SLC25A30: variants seen among roughly 807,000 people sequenced by gnomAD.
SLC25A30 encodes kidney mitochondrial carrier protein 1.
SLC25A30 carries 29 observed loss-of-function variants against 42.7 expected under a neutral mutation model. The observed-to-expected ratio is 0.68, with a 90% confidence interval of 0.51 to 0.93. The LOEUF (loss-of-function observed/expected upper bound fraction) is 0.93. Ranked by LOEUF, SLC25A30 falls within the 40% of genes least tolerant of loss-of-function variation. The pLI is 0.00. For missense variants in SLC25A30, 300 were observed against 359.7 expected (o/e 0.83, Z 1.34); for synonymous variants, 124 against 131.0 (o/e 0.95, Z 0.37).
the SLC25A30 span, among the ~76,000 whole-genome samples, chr13:45,423,994 T>G: frequency 3.0e-5 from 2 of 67,060 alleles, no homozygotes; most frequent in Admixed American, 2.5e-4. Context: ...TTTATATAAA[T>G]ATATATAAAA....
chr13:45,407,089 C>T (rs1350178922), intron 3 of SLC25A30, among the ~76,000 whole-genome samples: 3 of 152,104 alleles, frequency 2.0e-5, no homozygotes, highest in Non-Finnish European at 4.4e-5. Flanking sequence ...TGGCAAAACC[C>T]CATCTCTATA....
the SLC25A30 span, among the ~76,000 whole-genome samples, chr13:45,424,264 T>TAA: frequency 0.012 from 1 of 86 alleles, no homozygotes; most frequent in Non-Finnish European, 0.026. Context: ...TATGTAAATA[T>TAA]ATATAAATAT....
chr13:45,393,661 A>C lies in SLC25A30; in HGVS notation c.*2313T>G. 1.2e-5 allele frequency: 12 copies of C among 985,458 alleles called. No individual in the cohort carries two copies. Among genetic ancestry groups the C allele is most frequent in the Non-Finnish European group, 1.4e-5 (12 of 829,932 alleles). 61.0% of individuals were successfully genotyped at this position (985,458 alleles called of 1,614,324 possible). A position where few individuals can be genotyped will look rare whatever the true frequency, so the allele number is the denominator to read the frequency against. On this transcript the variant is annotated 3_prime_UTR_variant, in exon 10 of 10. Transcript: ENST00000519676. ...CAGAACCCTGACAACGAGGGGACCA[A>C]GTCTCCCAATTCCTTAAGTTGTTTC...
At chr13:45,397,525 T>C (rs1881469457) in intron 8 of SLC25A30, 187 bp from the exon 9 acceptor site, 2 of 431,862 alleles carry the variant, frequency 4.6e-6, no homozygotes, top group Non-Finnish European at 8.3e-6. Flanking sequence ...ACCCTGTCTC[T>C]ACTAAAAATA....
intron 8 of SLC25A30, chr13:45,397,946 C>T: frequency 3.0e-6 from 3 of 985,420 alleles, no homozygotes; most frequent in Non-Finnish European, 3.6e-6. Flanking sequence ...CATGTGGGCT[C>T]CTGAACAGGT....
intron 1 of SLC25A30, among the ~76,000 whole-genome samples, chr13:45,415,320 C>T (rs1883423106): frequency 6.6e-6 from 1 of 152,014 alleles, no homozygotes; most frequent in Admixed American, 6.6e-5. Flanking sequence ...GACCCTTCCT[C>T]TAGATAGTAC....
Position 45,411,490 on chromosome 13 carries a change from AC to A in SLC25A30, c.-55-11del. The A allele has an allele frequency of 6.7e-7, 1 of 1,493,050 alleles. No homozygotes were observed. Among genetic ancestry groups the A allele is most frequent in the African/African-American group, 1.4e-5 (1 of 72,632 alleles). 92.5% of individuals were successfully genotyped at this position (1,493,050 alleles called of 1,614,324 possible). ...TCCAGTGCTGTTTTTCCTGGACACA[AC>A]AATAAGATATTATCAAGCTGTAACT... On this transcript the variant is annotated splice_polypyrimidine_tract_variant and intron_variant, in intron 1 of 9. Coordinates refer to ENST00000519676, the MANE Select transcript of SLC25A30 (RefSeq NM_001010875.4).
chr13:45,424,140 T>G, the SLC25A30 span, among the ~76,000 whole-genome samples: 15 of 70,944 alleles, frequency 2.1e-4, no homozygotes. Context: ...TATAAATATA[T>G]AAATATAAGT....
chr13:45,396,026 G>C lies in SLC25A30; in HGVS notation c.835-11C>G. On this transcript the variant is annotated splice_polypyrimidine_tract_variant and intron_variant, in intron 9 of 9. Coordinates refer to ENST00000519676, the MANE Select transcript of SLC25A30 (RefSeq NM_001010875.4). ...GTATGTCACAAAGAACTGTGGTTAT[G>C]GGTTAAGGATGACACAGAAAATGCC... 6.2e-7 allele frequency: 1 copy of C among 1,614,134 alleles called. No homozygotes were observed. Among genetic ancestry groups the C allele is most frequent in the South Asian group, 1.1e-5 (1 of 91,076 alleles).
intron 1 of SLC25A30, among the ~76,000 whole-genome samples, chr13:45,415,876 T>C (rs1390684061): frequency 7.1e-6 from 1 of 140,306 alleles, no homozygotes; most frequent in Non-Finnish European, 1.5e-5. Context: ...CTCAGCTCAC[T>C]GCAACCTCTG....
Position 45,394,652 on chromosome 13 carries a change from C to T in SLC25A30, c.*1322G>A, listed in dbSNP as rs1881182177. 1.0e-6 allele frequency: 1 copy of T among 985,010 alleles called. No individual in the cohort carries two copies. 61.0% of individuals were successfully genotyped at this position (985,010 alleles called of 1,614,324 possible). On this transcript the variant is annotated 3_prime_UTR_variant, in exon 10 of 10. Coordinates refer to ENST00000519676, the MANE Select transcript of SLC25A30 (RefSeq NM_001010875.4). ...GATGAAGACAAGAAGGAAGAGGGCT[C>T]TTTCTCTGAAGCAGGTTAGAGTAAA...
chr13:45,428,879 A>G, the SLC25A30 span, among the ~76,000 whole-genome samples: 8 of 151,880 alleles, frequency 5.3e-5, no homozygotes, highest in Non-Finnish European at 1.5e-5. Context: ...AAAGAGAAAC[A>G]AATCACAGCT....
At chr13:45,405,567 G>A (rs1157069854) in intron 4 of SLC25A30, among the ~76,000 whole-genome samples, 3 of 152,166 alleles carry the variant, frequency 2.0e-5, no homozygotes, top group Non-Finnish European at 4.4e-5. Flanking sequence ...CTGAAAAATA[G>A]ATGACAATTC....
In SLC25A30 at chr13:45,393,405, A is replaced by C. The variant is rs1881093566; in HGVS notation, c.*2569T>G. 1.0e-6 allele frequency: 1 copy of C among 982,796 alleles called. No homozygotes were observed. Among genetic ancestry groups the C allele is most frequent in the Non-Finnish European group, 1.2e-6 (1 of 827,622 alleles). The allele number at this position is 982,796 out of a possible 1,614,324, so 60.9% of individuals were successfully genotyped here. A position where few individuals can be genotyped will look rare whatever the true frequency, so the allele number is the denominator to read the frequency against. On this transcript the variant is annotated 3_prime_UTR_variant, in exon 10 of 10. Coordinates refer to ENST00000519676, the MANE Select transcript of SLC25A30 (RefSeq NM_001010875.4). Reference sequence around the variant, plus strand: ...CAACAATGTTTAAATAAAGAGCTTGAAATATAAAGGCTTATGAAAACTTCA... The same window carrying C: ...CAACAATGTTTAAATAAAGAGCTTGCAATATAAAGGCTTATGAAAACTTCA...
In SLC25A30 at chr13:45,394,248, GC is replaced by G. The variant is rs1881153820; in HGVS notation, c.*1725del. On this transcript the variant is annotated 3_prime_UTR_variant, in exon 10 of 10. Coordinates refer to ENST00000519676, the MANE Select transcript of SLC25A30 (RefSeq NM_001010875.4). ...AGGTAACCCTACCCCACTGCACCCC[GC>G]CCCCGCCCCCACCTTCTGTTATCCT... is the stretch of plus-strand genomic sequence containing the variant. 9 of 656,988 alleles carry G rather than the reference GC, an allele frequency of 1.4e-5. No individual in the cohort carries two copies. The highest frequency in any genetic ancestry group is 1.4e-5 in the Non-Finnish European group (8 of 569,370). 40.7% of individuals were successfully genotyped at this position (656,988 alleles called of 1,614,324 possible). A position where few individuals can be genotyped will look rare whatever the true frequency, so the allele number is the denominator to read the frequency against.
intron 5 of SLC25A30, chr13:45,402,809 C>A (rs894679524): frequency 4.1e-6 from 4 of 985,398 alleles, no homozygotes; most frequent in Non-Finnish European, 4.8e-6. Context: ...CTGCTCCAAG[C>A]CACTACAGTC....
chr13:45,416,597 A>G lies in SLC25A30; in HGVS notation c.-56+1703T>C, dbSNP rs1365593133. Among the ~76,000 whole-genome samples, 2 of 151,914 alleles carry G rather than the reference A, an allele frequency of 1.3e-5. 1 individual carries two copies. Among genetic ancestry groups the G allele is most frequent in the Non-Finnish European group, 2.9e-5 (2 of 67,988 alleles). On this transcript the variant is annotated intron_variant, in intron 1 of 9. Coordinates refer to ENST00000519676, the MANE Select transcript of SLC25A30 (RefSeq NM_001010875.4). ...GCCTGGGCAACAGAATGAGACGACC[A>G]CCTATACTAAAAAAATCCAAAACAT...
At chr13:45,415,646 G>C (rs1376149816) in intron 1 of SLC25A30, among the ~76,000 whole-genome samples, 1 of 150,846 alleles carries the variant, frequency 6.6e-6, no homozygotes, top group Non-Finnish European at 1.5e-5. Context: ...AGTTACTCGG[G>C]ACGCTGAGGC....
intron 2 of SLC25A30, among the ~76,000 whole-genome samples, chr13:45,410,830 A>G (rs1454164009): frequency 6.6e-6 from 1 of 152,214 alleles, no homozygotes; most frequent in Admixed American, 6.5e-5. Flanking sequence ...AAATTTTAAA[A>G]AACTTGTGTT....
Sources: allele counts gnomAD v4.1 joint callset (sites outside exome capture counted in the v4.1 genomes callset), GRCh38; gene constraint gnomAD v4.1.1; transcripts MANE v1.5; gene names NCBI Gene and HGNC (gene_info 2026-07-23, HGNC 2026-07-21).